The following ZNF385B variants were observed in gnomAD, a reference collection of about 807,000 sequenced individuals.
ZNF385B encodes the protein zinc finger protein 385B.
A neutral mutation model predicts 39.2 loss-of-function variants in ZNF385B; 23 were observed. The observed-to-expected ratio is 0.59, with a 90% CI of 0.42 to 0.83. ZNF385B has a LOEUF of 0.83. Ranked by LOEUF, ZNF385B falls within the 40% of genes least tolerant of loss-of-function variation. The pLI, the probability that ZNF385B is intolerant of heterozygous loss-of-function variation, is 0.00. For missense variants in ZNF385B, 552 were observed against 598.9 expected, an observed-to-expected ratio of 0.92 and a Z score of 0.82; for synonymous variants, 205 against 222.6, an observed-to-expected ratio of 0.92 and a Z score of 0.70.
chr2:179,754,166 C>G (rs770782870), intron 3 of ZNF385B, among the ~76,000 whole-genome samples: 1 of 152,090 alleles, frequency 6.6e-6, no homozygotes, highest in Non-Finnish European at 1.5e-5. Context: ...TTGTCAAAGG[C>G]CTTTTCTGCA....
At chr2:179,588,110 A>T (rs1687237077) in intron 3 of ZNF385B, among the ~76,000 whole-genome samples, 1 of 151,994 alleles carries the variant, frequency 6.6e-6, no homozygotes, top group Non-Finnish European at 1.5e-5. Flanking sequence ...TCCCCCCAAG[A>T]CAGAGTCTCG....
chr2:179,840,354 A>G (rs73048570), intron 1 of ZNF385B, among the ~76,000 whole-genome samples: 6,969 of 152,284 alleles, frequency 0.046, 268 homozygotes, highest in African/African-American at 0.11. Context: ...GGACCTCTGA[A>G]TACTATGCAA....
intron 1 of ZNF385B, among the ~76,000 whole-genome samples, chr2:179,851,132 C>T (rs1279986752): frequency 6.6e-6 from 1 of 152,162 alleles, no homozygotes; most frequent in Non-Finnish European, 1.5e-5. Flanking sequence ...CTTCAGTTAC[C>T]ATTGAGCCCT....
chr2:179,485,591 G>T (rs73037372), intron 5 of ZNF385B, among the ~76,000 whole-genome samples: 2,866 of 151,784 alleles, frequency 0.019, 86 homozygotes, highest in African/African-American at 0.065. Context: ...TGATGATGAT[G>T]AATTTATTCA....
chr2:179,600,730 T>C (rs1373755168), intron 3 of ZNF385B, among the ~76,000 whole-genome samples: 2 of 152,220 alleles, frequency 1.3e-5, no homozygotes, highest in Non-Finnish European at 2.9e-5. Context: ...TTATTTTGTA[T>C]GATTCCATTT....
intron 1 of ZNF385B, among the ~76,000 whole-genome samples, chr2:179,860,351 T>C (rs1448509070): frequency 1.3e-5 from 2 of 152,166 alleles, no homozygotes; most frequent in African/African-American, 4.8e-5. Flanking sequence ...ATAAAAACTG[T>C]GTGTCCTCCA....
rs377130268 is a variant in ZNF385B at position 179,757,467 on chromosome 2, G to T, written c.298+12036C>A. ...TCAGGTCTCAAACTCCATGCTGGGA[G>T]AACCACTAGTCTCTTCAAAGCTGTC... On this transcript the variant is annotated intron_variant, in intron 3 of 9. Coordinates refer to ENST00000410066, the MANE Select transcript of ZNF385B (RefSeq NM_152520.6). Among the ~76,000 whole-genome samples the T allele has an allele frequency of 3.3e-5, 5 of 152,296 alleles. No homozygotes were observed. In the East Asian group the frequency reaches 9.7e-4, roughly 29 times the overall value.
intron 6 of ZNF385B, among the ~76,000 whole-genome samples, chr2:179,476,518 A>C (rs2053465868): frequency 6.6e-6 from 1 of 152,212 alleles, no homozygotes. Flanking sequence ...CTTTTGGTTC[A>C]CTTTTCTTAG....
intron 4 of ZNF385B, among the ~76,000 whole-genome samples, chr2:179,534,420 A>G (rs1403046256): frequency 6.6e-6 from 1 of 152,216 alleles, no homozygotes; most frequent in African/African-American, 2.4e-5. Flanking sequence ...AGGTATTTTA[A>G]GTTATTAGAA....
intron 1 of ZNF385B, among the ~76,000 whole-genome samples, chr2:179,812,181 C>A (rs568900768): frequency 1.4e-5 from 2 of 147,732 alleles, no homozygotes; most frequent in South Asian, 4.3e-4. Flanking sequence ...AATGCTTATA[C>A]ACTGTTGGAG....
intron 3 of ZNF385B, among the ~76,000 whole-genome samples, chr2:179,705,555 T>A (rs1559111645): frequency 6.6e-6 from 1 of 152,180 alleles, no homozygotes; most frequent in African/African-American, 2.4e-5. Context: ...ACCTGTCTAT[T>A]CTCTAGATCA....
At position 179,443,146 on chromosome 2, in the gene ZNF385B, G is replaced by T; in HGVS notation, c.*104C>A. The T allele has an allele frequency of 8.3e-7, 1 of 1,204,278 alleles. No homozygotes were observed. The highest frequency in any genetic ancestry group is 1.2e-6 in the Non-Finnish European group (1 of 863,752). 74.6% of individuals were successfully genotyped at this position (1,204,278 alleles called of 1,614,324 possible). ...ACTGGGTGGTGGGCTGCATTTTGTG[G>T]GTGAATGGGGGGTACTGCAACACAA... On this transcript the variant is annotated 3_prime_UTR_variant, in exon 10 of 10. Coordinates refer to ENST00000410066, the MANE Select transcript of ZNF385B (RefSeq NM_152520.6).
chr2:179,829,765 G>A (rs1432880830), intron 1 of ZNF385B, among the ~76,000 whole-genome samples: 1 of 152,056 alleles, frequency 6.6e-6, no homozygotes, highest in Non-Finnish European at 1.5e-5. Flanking sequence ...TGCCCGCCTT[G>A]GCCTCCCAAA....
intron 3 of ZNF385B, among the ~76,000 whole-genome samples, chr2:179,627,401 T>C (rs1690757132): frequency 6.6e-6 from 1 of 152,220 alleles, no homozygotes; most frequent in Admixed American, 6.5e-5. Flanking sequence ...TGATCTGATT[T>C]AATCCTTGTC....
In ZNF385B at chr2:179,669,015, A is replaced by T. The variant is rs79399783; in HGVS notation, c.298+100488T>A. 5.6e-3 allele frequency among the ~76,000 whole-genome samples: 849 copies of T among 152,378 alleles called. 10 individuals are homozygous for T. The highest frequency in any genetic ancestry group is 0.02 in the African/African-American group (818 of 41,594). ...CAGCTTCAAGTATGTAAATGGCTGT[A>T]TGTTACAAAGCATAGAGACAACACA... On this transcript the variant is annotated intron_variant, in intron 3 of 9. Coordinates refer to ENST00000410066, the MANE Select transcript of ZNF385B (RefSeq NM_152520.6).
At chr2:179,712,433 G>C (rs991093428) in intron 3 of ZNF385B, among the ~76,000 whole-genome samples, 2 of 152,164 alleles carry the variant, frequency 1.3e-5, no homozygotes, top group Non-Finnish European at 2.9e-5. Context: ...ACTATCCACA[G>C]CCAGTTGTAT....
chr2:179,444,606 C>T (rs368238531), intron 9 of ZNF385B, among the ~76,000 whole-genome samples: 1 of 152,140 alleles, frequency 6.6e-6, no homozygotes, highest in Admixed American at 6.6e-5. Context: ...TGTTCTTGAG[C>T]CTTTACTTTA....
chr2:179,655,598 G>A (rs1693669154), intron 3 of ZNF385B, among the ~76,000 whole-genome samples: 2 of 152,074 alleles, frequency 1.3e-5, no homozygotes, highest in South Asian at 2.1e-4. Flanking sequence ...GAGAGAAAGA[G>A]GGAGAGAGAG....
intron 3 of ZNF385B, among the ~76,000 whole-genome samples, chr2:179,682,492 T>C (rs1307333066): frequency 1.3e-5 from 2 of 152,240 alleles, no homozygotes; most frequent in Non-Finnish European, 2.9e-5. Context: ...ATCATTTCCG[T>C]GTTCACTTAC....
Sources: gnomAD v4.1 joint callset for allele counts (sites outside exome capture counted in the v4.1 genomes callset) on GRCh38, gnomAD v4.1.1 for gene constraint, MANE v1.5 for transcripts, NCBI Gene and HGNC (gene_info 2026-07-23, HGNC 2026-07-21) for gene names.